DENND1B: variants seen among roughly 807,000 people sequenced by gnomAD.
DENND1B encodes DENN domain containing 1B.
Under a neutral mutation model 90.1 loss-of-function variants are expected in DENND1B, and 59 were observed. The ratio of observed to expected loss-of-function variants is 0.65; its 90% CI spans 0.53 to 0.81. DENND1B has a LOEUF of 0.81. Ranked by LOEUF, DENND1B falls within the 40% of genes least tolerant of loss-of-function variation. The probability of loss-of-function intolerance (pLI) is 0.00; values close to 1 mark genes in which losing one functional copy is unlikely to be tolerated. For synonymous variants in DENND1B, 337 were observed against 324.6 expected (o/e 1.04, Z -0.41); for missense variants, 862 against 912.6 (o/e 0.94, Z 0.71).
chr1:197,664,495 T>G (rs1347757067), intron 5 of DENND1B, among the ~76,000 whole-genome samples: 1 of 152,088 alleles, frequency 6.6e-6, no homozygotes, highest in Non-Finnish European at 1.5e-5. Flanking sequence ...AAGAGAGAGA[T>G]ATACATAAAG....
chr1:197,635,725 A>G (rs150973016), intron 10 of DENND1B, among the ~76,000 whole-genome samples: 50 of 152,296 alleles, frequency 3.3e-4, no homozygotes, highest in Non-Finnish European at 6.9e-4. Context: ...TATGTGGTAA[A>G]TGCTATGATA....
intron 15 of DENND1B, among the ~76,000 whole-genome samples, chr1:197,561,087 C>T (rs1283321596): frequency 6.6e-6 from 1 of 151,808 alleles, no homozygotes; most frequent in South Asian, 2.1e-4. Flanking sequence ...TAGATCTTCC[C>T]AGCAGCATAC....
In DENND1B at chr1:197,725,726, G is replaced by A. The variant is rs79456019; in HGVS notation, c.83-10652C>T. Among the ~76,000 whole-genome samples the A allele has an allele frequency of 9.0e-3, 1,366 of 151,906 alleles. 19 individuals carry two copies. The highest frequency in any genetic ancestry group is 0.028 in the African/African-American group (1,163 of 41,420). On this transcript the variant is annotated intron_variant, in intron 2 of 22. Coordinates refer to ENST00000620048, the MANE Select transcript of DENND1B (RefSeq NM_001195215.2). ...GACAAGGTGAGGTCAGAGAGTTAAGGGGGAACAAGCAGAACATAAAGGGCC... is the reference window on the plus strand; with the variant it reads ...GACAAGGTGAGGTCAGAGAGTTAAGAGGGAACAAGCAGAACATAAAGGGCC...
At position 197,527,312 on chromosome 1, in the gene DENND1B, G is replaced by T. The variant is rs200121721; in HGVS notation, c.1515+12652C>A. Among the ~76,000 whole-genome samples, 661 of 140,858 alleles carry T rather than the reference G, an allele frequency of 4.7e-3. 4 individuals carry two copies. Among genetic ancestry groups the T allele is most frequent in the Non-Finnish European group, 5.7e-3 (372 of 65,232 alleles). The allele number at this position is 140,858 out of a possible 152,430, so 92.4% of individuals were successfully genotyped here. A position where few individuals can be genotyped will look rare whatever the true frequency, so the allele number is the denominator to read the frequency against. On this transcript the variant is annotated intron_variant, in intron 20 of 22. Coordinates refer to ENST00000620048, the MANE Select transcript of DENND1B (RefSeq NM_001195215.2). Reference sequence around the variant, plus strand: ...GTTGATCACTTGAAGGTTTTTTTTTGTTTTTGTTTTTTTTCTGAGGCAGAG... The same window carrying T: ...GTTGATCACTTGAAGGTTTTTTTTTTTTTTTGTTTTTTTTCTGAGGCAGAG...
chr1:197,614,059 CT>C (rs1677421260), intron 11 of DENND1B, among the ~76,000 whole-genome samples: 2 of 146,110 alleles, frequency 1.4e-5, no homozygotes, highest in Admixed American at 1.4e-4. Flanking sequence ...GAGACGGAGT[CT>C]CGCTCTTTCG....
intron 15 of DENND1B, among the ~76,000 whole-genome samples, chr1:197,575,510 G>A (rs1296125931): frequency 6.6e-6 from 1 of 152,074 alleles, no homozygotes. Flanking sequence ...CAACCATTGT[G>A]GAAAAAAGTG....
At chr1:197,561,207 C>T (rs1024205254) in intron 15 of DENND1B, among the ~76,000 whole-genome samples, 5 of 151,920 alleles carry the variant, frequency 3.3e-5, no homozygotes, top group South Asian at 2.1e-4. Context: ...TACGTCCTCT[C>T]CTCTCATGCT....
At chr1:197,701,976 T>C (rs1659078191) in intron 3 of DENND1B, among the ~76,000 whole-genome samples, 1 of 152,200 alleles carries the variant, frequency 6.6e-6, no homozygotes, top group Non-Finnish European at 1.5e-5. Context: ...ATATTGATGC[T>C]TGTGAGACCG....
chr1:197,680,289 C>T (rs544628593), intron 3 of DENND1B, among the ~76,000 whole-genome samples: 2 of 152,096 alleles, frequency 1.3e-5, no homozygotes, highest in Admixed American at 6.6e-5. Context: ...AATATATCTC[C>T]GCTTCATTCA....
intron 3 of DENND1B, among the ~76,000 whole-genome samples, chr1:197,713,796 T>TATATAA (rs1660236304): frequency 1.8e-5 from 1 of 56,524 alleles, no homozygotes. Flanking sequence ...TATAATATTA[T>TATATAA]TATATTATAA....
At chr1:197,737,406 C>A (rs557321444) in intron 2 of DENND1B, among the ~76,000 whole-genome samples, 1 of 152,176 alleles carries the variant, frequency 6.6e-6, no homozygotes, top group Non-Finnish European at 1.5e-5. Context: ...CTCAATAAAT[C>A]ATCTATAGCT....
intron 10 of DENND1B, among the ~76,000 whole-genome samples, chr1:197,633,608 C>G (rs1679525654): frequency 1.3e-5 from 2 of 152,136 alleles, no homozygotes; most frequent in African/African-American, 4.8e-5. Flanking sequence ...CCACCAGGCT[C>G]CTATGCAGTG....
intron 16 of DENND1B, among the ~76,000 whole-genome samples, chr1:197,547,063 G>A (rs911567376): frequency 6.6e-6 from 1 of 152,132 alleles, no homozygotes; most frequent in African/African-American, 2.4e-5. Context: ...TTGTTTAAAA[G>A]CTTAAATACT....
intron 3 of DENND1B, among the ~76,000 whole-genome samples, chr1:197,681,584 G>C (rs909995633): frequency 1.3e-5 from 2 of 152,154 alleles, no homozygotes; most frequent in South Asian, 4.1e-4. Context: ...AGTAGGCTTT[G>C]TCTTCAGACT....
At chr1:197,732,910 T>TAATA (rs1662281361) in intron 2 of DENND1B, among the ~76,000 whole-genome samples, 1 of 152,214 alleles carries the variant, frequency 6.6e-6, no homozygotes, top group Admixed American at 6.5e-5. Flanking sequence ...AGGAGTTGTA[T>TAATA]AATAACACTG....
In DENND1B at chr1:197,583,467, A is replaced by T. The variant is rs1437643994; in HGVS notation, c.1048-214T>A. Among the ~76,000 whole-genome samples the T allele has an allele frequency of 2.6e-5, 4 of 152,164 alleles. 1 individual carries two copies. The South Asian group carries it at 8.3e-4, about 32-fold the overall frequency. On this transcript the variant is annotated intron_variant, in intron 14 of 22. Coordinates refer to ENST00000620048, the MANE Select transcript of DENND1B (RefSeq NM_001195215.2). Reference sequence around the variant, plus strand: ...AATCCAGGATCCCATGTACTCTTAAAATTGCTCAATTTTACTCCCTCAAGT... The same window carrying T: ...AATCCAGGATCCCATGTACTCTTAATATTGCTCAATTTTACTCCCTCAAGT...
intron 6 of DENND1B, among the ~76,000 whole-genome samples, chr1:197,657,089 T>C (rs984659832): frequency 2.0e-5 from 3 of 152,072 alleles, no homozygotes; most frequent in African/African-American, 4.8e-5. Flanking sequence ...AATTAAAAAC[T>C]TTTGTGCATC....
chr1:197,613,226 A>G (rs1017527581), intron 11 of DENND1B, among the ~76,000 whole-genome samples: 7 of 150,762 alleles, frequency 4.6e-5, no homozygotes, highest in African/African-American at 1.7e-4. Flanking sequence ...AGACCCAGAG[A>G]TTTCAAAGTA....
chr1:197,599,990 A>G (rs1440248010), intron 13 of DENND1B, among the ~76,000 whole-genome samples: 1 of 151,814 alleles, frequency 6.6e-6, no homozygotes, highest in Non-Finnish European at 1.5e-5. Context: ...CTACAGCTAT[A>G]TAGGTCTTGA....
Sources: gnomAD v4.1 joint callset for allele counts (sites outside exome capture counted in the v4.1 genomes callset) on GRCh38, gnomAD v4.1.1 for gene constraint, MANE v1.5 for transcripts, NCBI Gene and HGNC (gene_info 2026-07-23, HGNC 2026-07-21) for gene names.